PRKN: variants seen among roughly 807,000 people sequenced by gnomAD.
The protein encoded by PRKN is E3 ubiquitin-protein ligase parkin.
In PRKN, 56 loss-of-function variants were observed where a neutral mutation model predicts 59.5. The observed-to-expected ratio is 0.94, with a 90% CI of 0.76 to 1.18. The LOEUF (loss-of-function observed/expected upper bound fraction) is 1.18. Ranked by LOEUF, PRKN falls within the 50% of genes most tolerant of loss-of-function variation. The probability of loss-of-function intolerance (pLI) is 0.00; values close to 1 mark genes in which losing one functional copy is unlikely to be tolerated. For missense variants in PRKN, 657 were observed against 596.4 expected (o/e 1.10, Z -1.06); for synonymous variants, 250 against 222.1 (o/e 1.13, Z -1.12).
chr6:162,663,271 G>T (rs1440162609), intron 1 of PRKN, among the ~76,000 whole-genome samples: 3 of 152,136 alleles, frequency 2.0e-5, no homozygotes, highest in Non-Finnish European at 4.4e-5. Context: ...TCACAGAAAA[G>T]TGTGGCAGGG....
At chr6:162,273,319 A>G (rs1236824550) in intron 2 of PRKN, among the ~76,000 whole-genome samples, 1 of 151,628 alleles carries the variant, frequency 6.6e-6, no homozygotes, top group Non-Finnish European at 1.5e-5. Flanking sequence ...GGCACAGAAA[A>G]TGTTTCACAA....
chr6:162,719,921 T>C (rs933433716), intron 1 of PRKN, among the ~76,000 whole-genome samples: 4 of 144,214 alleles, frequency 2.8e-5, no homozygotes, highest in African/African-American at 1.0e-4. Flanking sequence ...AAAAAAAAAC[T>C]AAAGGTTGAC....
At chr6:162,000,656 A>T (rs1782018589) in intron 5 of PRKN, among the ~76,000 whole-genome samples, 1 of 152,110 alleles carries the variant, frequency 6.6e-6, no homozygotes, top group African/African-American at 2.4e-5. Flanking sequence ...GTATTGTAAT[A>T]AAATCCAGCT....
chr6:162,216,013 A>G (rs757072856), intron 3 of PRKN, among the ~76,000 whole-genome samples: 1 of 151,972 alleles, frequency 6.6e-6, no homozygotes, highest in Non-Finnish European at 1.5e-5. Context: ...GCACCACTGC[A>G]CTCCAGCCTG....
In PRKN at chr6:161,588,418, T is replaced by C. The variant is rs1781597001; in HGVS notation, c.872-19002A>G. On this transcript the variant is annotated intron_variant, in intron 7 of 11. Transcript: ENST00000366898. The surrounding 1 kb of genome is among the most constrained non-coding windows in gnomAD (Gnocchi z 5.0). ...AAAAAATTTACTCTATGGGTATCAA[T>C]AATCAATGTGTTATTCTAACTCATT... Among the ~76,000 whole-genome samples the C allele has an allele frequency of 1.3e-5, 2 of 152,012 alleles. No individual in the cohort carries two copies. The highest frequency in any genetic ancestry group is 4.8e-5 in the African/African-American group (2 of 41,374).
chr6:162,647,216 GAAT>G (rs1204874649), intron 1 of PRKN, among the ~76,000 whole-genome samples: 1 of 151,754 alleles, frequency 6.6e-6, no homozygotes, highest in Non-Finnish European at 1.5e-5. Context: ...TCTCTTTCTA[GAAT>G]AATGTTGATA....
chr6:162,563,262 C>CCTAAGCAAAAGGAA (rs1388874781), intron 1 of PRKN, among the ~76,000 whole-genome samples: 1 of 151,740 alleles, frequency 6.6e-6, no homozygotes, highest in Non-Finnish European at 1.5e-5. Flanking sequence ...TGAGATCGCG[C>CCTAAGCAAAAGGAA]CACTGCACTC....
chr6:161,716,051 C>T (rs778394066), intron 7 of PRKN: 27 of 1,265,436 alleles, frequency 2.1e-5, no homozygotes, highest in Non-Finnish European at 7.3e-6. Context: ...ACACAGCCAC[C>T]ATGCTGTGCT....
chr6:162,510,861 T>C (rs1166505996), intron 1 of PRKN, among the ~76,000 whole-genome samples: 2 of 151,978 alleles, frequency 1.3e-5, no homozygotes, highest in Admixed American at 1.3e-4. Context: ...AAGCAGAGGT[T>C]GCGGTGAGCC....
In PRKN at chr6:161,845,073, T is replaced by C. The variant is rs189923912; in HGVS notation, c.735-59165A>G. On this transcript the variant is annotated intron_variant, in intron 6 of 11. Transcript: ENST00000366898. ...AGCTTGGCCAAGACCATAAGATTAA[T>C]AAGTGGTAGAGTCAGAACTTGAACC... is the stretch of plus-strand genomic sequence containing the variant. Among the ~76,000 whole-genome samples the C allele has an allele frequency of 2.0e-4, 30 of 152,340 alleles. 1 individual carries two copies. Among genetic ancestry groups the C allele is most frequent in the Admixed American group, 1.5e-3 (23 of 15,306 alleles).
At chr6:161,714,938 C>A (rs1428347880) in intron 7 of PRKN, among the ~76,000 whole-genome samples, 2 of 152,186 alleles carry the variant, frequency 1.3e-5, no homozygotes, top group East Asian at 3.8e-4. Flanking sequence ...CAGATGCCTG[C>A]ACATCTTTCA....
chr6:162,409,621 G>A (rs1398154585), intron 2 of PRKN, among the ~76,000 whole-genome samples: 5 of 152,002 alleles, frequency 3.3e-5, no homozygotes, highest in Admixed American at 6.6e-5. Flanking sequence ...TAACACTAAC[G>A]TATTCAGTAT....
intron 7 of PRKN, among the ~76,000 whole-genome samples, chr6:161,703,650 C>T (rs1786345776): frequency 6.6e-6 from 1 of 152,132 alleles, no homozygotes; most frequent in Non-Finnish European, 1.5e-5. Context: ...TCTCCAACCA[C>T]CACCTTGTTT....
At chr6:162,369,073 C>CATA (rs1462711215) in intron 2 of PRKN, among the ~76,000 whole-genome samples, 1 of 152,110 alleles carries the variant, frequency 6.6e-6, no homozygotes, top group Non-Finnish European at 1.5e-5. Context: ...TGAAATAAAG[C>CATA]ATAAGCTTGT....
chr6:162,382,426 G>T lies in PRKN; in HGVS notation c.171+60884C>A, dbSNP rs78648977. Among the ~76,000 whole-genome samples the T allele has an allele frequency of 8.4e-3, 1,285 of 152,238 alleles. 10 individuals are homozygous for T. Among genetic ancestry groups the T allele is most frequent in the Non-Finnish European group, 0.013 (895 of 68,006 alleles). On this transcript the variant is annotated intron_variant, in intron 2 of 11. Transcript: ENST00000366898. ...ATACAGGGAGGCATACAAGTTTTGT[G>T]GTTTCCTAGTGAATAGAAATGTTAC...
At chr6:162,359,997 T>C (rs971303329) in intron 2 of PRKN, among the ~76,000 whole-genome samples, 2 of 152,180 alleles carry the variant, frequency 1.3e-5, no homozygotes, top group Non-Finnish European at 2.9e-5. Flanking sequence ...TCCCATGTCA[T>C]ACAATATTTT....
intron 6 of PRKN, among the ~76,000 whole-genome samples, chr6:161,839,097 C>T (rs543212148): frequency 2.0e-4 from 30 of 152,154 alleles, no homozygotes; most frequent in African/African-American, 4.6e-4. Flanking sequence ...GGAGAAGAAG[C>T]GCTGTTAAGT....
intron 7 of PRKN, among the ~76,000 whole-genome samples, chr6:161,699,285 C>A (rs1161010131): frequency 6.6e-6 from 1 of 152,162 alleles, no homozygotes; most frequent in Non-Finnish European, 1.5e-5. Context: ...AATGGTACAA[C>A]CACTTTGGAA....
At position 162,533,039 on chromosome 6, in the gene PRKN, G is replaced by A. The variant is rs979756875; in HGVS notation, c.8-89566C>T. Among the ~76,000 whole-genome samples, 6 of 152,252 alleles carry A rather than the reference G, an allele frequency of 3.9e-5. No homozygotes were observed. The East Asian group carries it at 5.8e-4, about 15-fold the overall frequency. The stretch of plus-strand genomic sequence containing the variant: ...CTAGGTGCTTATCGGCTGTACTGAC[G>A]TGCTTCACATTTTATAATGTTGGTA... On this transcript the variant is annotated intron_variant, in intron 1 of 11. Coordinates refer to ENST00000366898, the MANE Select transcript of PRKN (RefSeq NM_004562.3).
Sources: allele counts gnomAD v4.1 joint callset (sites outside exome capture counted in the v4.1 genomes callset), GRCh38; gene constraint gnomAD v4.1.1; non-coding constraint Gnocchi (gnomAD v3.1); transcripts MANE v1.5; gene names NCBI Gene and HGNC (gene_info 2026-07-23, HGNC 2026-07-21).